RUNDC3B: variants seen among roughly 807,000 people sequenced by gnomAD.
The protein encoded by RUNDC3B is RUN domain-containing protein 3B.
In RUNDC3B, 33 loss-of-function variants were observed where a neutral mutation model predicts 58.4. The ratio of observed to expected loss-of-function variants is 0.56; its 90% CI spans 0.43 to 0.75. The LOEUF (loss-of-function observed/expected upper bound fraction) is 0.75. Among genes scored for constraint, RUNDC3B ranks in the 30% least tolerant of loss-of-function variants. The pLI, the probability that RUNDC3B is intolerant of heterozygous loss-of-function variation, is 0.00. For synonymous variants in RUNDC3B, 193 were observed against 195.2 expected, an observed-to-expected ratio of 0.99 and a Z score of 0.10; for missense variants, 501 against 535.7, an observed-to-expected ratio of 0.94 and a Z score of 0.64.
At chr7:87,651,716 G>A (rs372111241) in intron 2 of RUNDC3B, among the ~76,000 whole-genome samples, 5 of 152,028 alleles carry the variant, frequency 3.3e-5, no homozygotes, top group African/African-American at 7.2e-5. Flanking sequence ...CATCTCAGGC[G>A]TACTGTGAAG....
At chr7:87,658,334 A>C (rs1274651764) in intron 2 of RUNDC3B, among the ~76,000 whole-genome samples, 1 of 152,170 alleles carries the variant, frequency 6.6e-6, no homozygotes, top group East Asian at 1.9e-4. Flanking sequence ...AAACAATAGA[A>C]ATTTCCTAAT....
chr7:87,632,416 A>G (rs1821314213), intron 1 of RUNDC3B, among the ~76,000 whole-genome samples: 1 of 152,194 alleles, frequency 6.6e-6, no homozygotes, highest in Admixed American at 6.5e-5. Context: ...GAACATTTAC[A>G]TGTTGTAGAC....
Position 87,651,170 on chromosome 7 carries a change from T to C in RUNDC3B, c.238+233T>C, listed in dbSNP as rs549990140. On this transcript the variant is annotated intron_variant, in intron 2 of 10. Coordinates refer to ENST00000394654, the MANE Select transcript of RUNDC3B (RefSeq NM_001134405.2). Reference sequence around the variant, plus strand: ...GCCACATACAAGGAGAAAAGTGACTTTCCATAAGTAATTAAAATAAAAGCT... The same window carrying C: ...GCCACATACAAGGAGAAAAGTGACTCTCCATAAGTAATTAAAATAAAAGCT... Among the ~76,000 whole-genome samples the C allele has an allele frequency of 2.6e-5, 4 of 152,284 alleles. No homozygotes were observed. The South Asian group carries it at 6.2e-4, about 24-fold the overall frequency.
At chr7:87,769,719 G>C (rs1284628350) in intron 6 of RUNDC3B, among the ~76,000 whole-genome samples, 2 of 151,874 alleles carry the variant, frequency 1.3e-5, no homozygotes, top group Admixed American at 1.3e-4. Context: ...ATGTGCCATG[G>C]TGGTTTGCTG....
chr7:87,775,671 T>C (rs1834579655), intron 7 of RUNDC3B, among the ~76,000 whole-genome samples: 1 of 152,186 alleles, frequency 6.6e-6, no homozygotes, highest in Admixed American at 6.5e-5. Context: ...AGTTGTGCCT[T>C]TTTTAAAAAA....
intron 3 of RUNDC3B, among the ~76,000 whole-genome samples, chr7:87,704,035 C>T (rs1340955778): frequency 6.7e-6 from 1 of 149,700 alleles, no homozygotes; most frequent in Non-Finnish European, 1.5e-5. Context: ...ATTCTCCTGC[C>T]TCAACCTCCT....
At chr7:87,649,074 TC>T (rs1374028136) in intron 1 of RUNDC3B, among the ~76,000 whole-genome samples, 2 of 152,152 alleles carry the variant, frequency 1.3e-5, no homozygotes, top group Non-Finnish European at 2.9e-5. Context: ...CTTTAACAGC[TC>T]CCCTTATCTT....
At position 87,629,838 on chromosome 7, in the gene RUNDC3B, A is replaced by G. The variant is rs1048090928; in HGVS notation, c.122+893A>G. On this transcript the variant is annotated intron_variant, in intron 1 of 10. Transcript: ENST00000394654. ...CTACTCGGGAGGGTGAGGCAGGAGA[A>G]TCGATTGAACCTGGGAGGCGGTTGC... Among the ~76,000 whole-genome samples the G allele has an allele frequency of 5.3e-5, 8 of 151,856 alleles. No homozygotes were observed. The East Asian group carries it at 1.5e-3, about 29-fold the overall frequency.
At chr7:87,662,188 C>T (rs961529099) in intron 2 of RUNDC3B, among the ~76,000 whole-genome samples, 2 of 151,990 alleles carry the variant, frequency 1.3e-5, no homozygotes, top group African/African-American at 4.8e-5. Context: ...ATATTTTCTC[C>T]CATACTGTGG....
chr7:87,770,217 C>T (rs183296874), intron 6 of RUNDC3B, among the ~76,000 whole-genome samples: 10 of 152,186 alleles, frequency 6.6e-5, no homozygotes, highest in African/African-American at 1.7e-4. Flanking sequence ...CAATCCACCT[C>T]GGGCAGTGAA....
intron 9 of RUNDC3B, among the ~76,000 whole-genome samples, chr7:87,812,521 A>G (rs1229688877): frequency 6.6e-6 from 1 of 152,216 alleles, no homozygotes; most frequent in East Asian, 1.9e-4. Context: ...AGGCAGGAGA[A>G]TCACTTGAAC....
intron 2 of RUNDC3B, among the ~76,000 whole-genome samples, chr7:87,658,886 T>C (rs1585024795): frequency 6.6e-6 from 1 of 152,026 alleles, no homozygotes; most frequent in Non-Finnish European, 1.5e-5. Flanking sequence ...AGAAAGGAAA[T>C]GATAAAAGAA....
chr7:87,651,022 A>G (rs1004748324), intron 2 of RUNDC3B, 85 bp downstream of exon 2: 1 of 744,336 alleles, frequency 1.3e-6, no homozygotes, highest in African/African-American at 1.8e-5. Context: ...AGTCTGTGTG[A>G]CTTAGATAGC....
At chr7:87,694,736 A>G (rs1464127313) in intron 2 of RUNDC3B, among the ~76,000 whole-genome samples, 2 of 152,094 alleles carry the variant, frequency 1.3e-5, no homozygotes, top group African/African-American at 4.8e-5. Context: ...TTTAAGCCTT[A>G]TGTTAATAAT....
chr7:87,695,783 C>G (rs1828445497), intron 2 of RUNDC3B, among the ~76,000 whole-genome samples: 1 of 152,034 alleles, frequency 6.6e-6, no homozygotes, highest in African/African-American at 2.4e-5. Flanking sequence ...AAATTAATTT[C>G]TGTTCTTAGA....
At chr7:87,703,885 C>CTTTTTTTTTTTTTTTTTTTTT in intron 3 of RUNDC3B, among the ~76,000 whole-genome samples, 33 of 60,290 alleles carry the variant, frequency 5.5e-4, no homozygotes, top group South Asian at 6.3e-4. Context: ...TCAGTTTTTT[C>CTTTTTTTTTTTTTTTTTTTTT]TTTTTTTTTT....
chr7:87,665,474 G>A (rs1384922722), intron 2 of RUNDC3B, among the ~76,000 whole-genome samples: 1 of 152,082 alleles, frequency 6.6e-6, no homozygotes, highest in Non-Finnish European at 1.5e-5. Flanking sequence ...ATGCTCATGG[G>A]TTGGAAGAAT....
chr7:87,703,885 CTTTTTTTTT>C, intron 3 of RUNDC3B, among the ~76,000 whole-genome samples: 6 of 60,282 alleles, frequency 1.0e-4, no homozygotes, highest in Non-Finnish European at 1.9e-4. Flanking sequence ...TCAGTTTTTT[CTTTTTTTTT>C]TTTTTTTTTT....
At chr7:87,799,885 CA>C (rs763617668) in intron 8 of RUNDC3B, among the ~76,000 whole-genome samples, 10,172 of 59,354 alleles carry the variant, frequency 0.17, 213 homozygotes, top group African/African-American at 0.25. Context: ...GACTCCGTCT[CA>C]AAAAAAAAAA....
Sources: gnomAD v4.1 joint callset for allele counts (sites outside exome capture counted in the v4.1 genomes callset) on GRCh38, gnomAD v4.1.1 for gene constraint, MANE v1.5 for transcripts, NCBI Gene and HGNC (gene_info 2026-07-23, HGNC 2026-07-21) for gene names.